The following CLVS1 variants were observed in gnomAD, a reference collection of about 807,000 sequenced individuals.
CLVS1 encodes the protein clavesin 1, also known as clavesin-1.
A neutral mutation model predicts 33.1 loss-of-function variants in CLVS1; 10 were observed. The ratio of observed to expected loss-of-function variants is 0.30; its 90% confidence interval spans 0.19 to 0.51. CLVS1 has a LOEUF of 0.51. CLVS1 is among the 20% of genes least tolerant of loss of function. The probability of loss-of-function intolerance (pLI) is 0.97; values close to 1 mark genes in which losing one functional copy is unlikely to be tolerated. For synonymous variants in CLVS1, 163 were observed against 166.1 expected (o/e 0.98, Z 0.14); for missense variants, 343 against 433.4 (o/e 0.79, Z 1.85).
the CLVS1 span, among the ~76,000 whole-genome samples, chr8:61,012,351 C>T: frequency 6.6e-6 from 1 of 152,274 alleles, no homozygotes; most frequent in East Asian, 1.9e-4. Context: ...ATACTGGGCA[C>T]CTTAGTACCT....
intron 2 of CLVS1, among the ~76,000 whole-genome samples, chr8:61,357,960 A>T (rs1276006844): frequency 1.3e-5 from 2 of 152,196 alleles, no homozygotes; most frequent in African/African-American, 4.8e-5. Context: ...TCAGACAGGA[A>T]GTTCAAATCT....
intron 3 of CLVS1, among the ~76,000 whole-genome samples, chr8:61,448,075 T>A (rs939488378): frequency 8.5e-5 from 13 of 152,146 alleles, no homozygotes; most frequent in African/African-American, 2.9e-4. Context: ...ATTTTACATC[T>A]TCTTCTGGCT....
At position 61,258,140 on chromosome 8, in the gene CLVS1, C is replaced by T. The variant is rs979017426; in HGVS notation, c.-151-41537C>T. ...TATCTCTGTTGCACAAACGCTCTTG[C>T]CTTTTTTAATTTAGATGGAGGCAAA... On this transcript the variant is annotated intron_variant, in intron 2 of 2. Transcript: ENST00000522621. 3.9e-5 allele frequency among the ~76,000 whole-genome samples: 6 copies of T among 152,282 alleles called. No individual in the cohort carries two copies. The South Asian group carries it at 1.2e-3, about 32-fold the overall frequency.
chr8:61,430,446 T>C (rs568786824), intron 3 of CLVS1, among the ~76,000 whole-genome samples: 36 of 152,266 alleles, frequency 2.4e-4, no homozygotes, highest in African/African-American at 6.0e-4. Flanking sequence ...GGAAATAAAA[T>C]TCCCCCCAAG....
the CLVS1 span, among the ~76,000 whole-genome samples, chr8:61,015,709 C>T: frequency 6.6e-6 from 1 of 152,130 alleles, no homozygotes. Flanking sequence ...CATTCCCCTC[C>T]CCTACCTTTT....
chr8:61,290,117 T>G (rs1809932680), intron 1 of CLVS1, among the ~76,000 whole-genome samples: 1 of 152,180 alleles, frequency 6.6e-6, no homozygotes, highest in Non-Finnish European at 1.5e-5. Flanking sequence ...TATTGCCAAT[T>G]CTAGCTGCTT....
At chr8:61,268,176 C>A (rs1414466980) in intron 2 of CLVS1, among the ~76,000 whole-genome samples, 1 of 134,548 alleles carries the variant, frequency 7.4e-6, no homozygotes, top group Non-Finnish European at 1.6e-5. Flanking sequence ...CTCCCCCCAC[C>A]CCACAACAGT....
chr8:61,439,001 A>G (rs779574385), intron 3 of CLVS1, among the ~76,000 whole-genome samples: 8 of 152,202 alleles, frequency 5.3e-5, no homozygotes, highest in Non-Finnish European at 1.2e-4. Context: ...ATACTTGCTT[A>G]TTGCAAACTT....
At chr8:61,207,015 A>G (rs1264832126) in intron 2 of CLVS1, among the ~76,000 whole-genome samples, 3 of 152,206 alleles carry the variant, frequency 2.0e-5, no homozygotes, top group Non-Finnish European at 2.9e-5. Flanking sequence ...GCCCATCTCT[A>G]TCAGTCAGGA....
chr8:61,142,678 C>A (rs1354765392), intron 2 of CLVS1, among the ~76,000 whole-genome samples: 1 of 152,172 alleles, frequency 6.6e-6, no homozygotes, highest in African/African-American at 2.4e-5. Context: ...AGCCACTGAA[C>A]CTGAGCAAAA....
chr8:61,330,835 A>G (rs1295998320), intron 2 of CLVS1, among the ~76,000 whole-genome samples: 1 of 151,960 alleles, frequency 6.6e-6, no homozygotes, highest in Non-Finnish European at 1.5e-5. Flanking sequence ...CGTGCCTGCA[A>G]TCCCAGCACT....
chr8:61,442,195 G>A (rs547116481), intron 3 of CLVS1, among the ~76,000 whole-genome samples: 1 of 152,280 alleles, frequency 6.6e-6, no homozygotes, highest in African/African-American at 2.4e-5. Flanking sequence ...GAATCATAGA[G>A]TATGTAATTT....
intron 2 of CLVS1, among the ~76,000 whole-genome samples, chr8:61,351,730 GAC>G (rs1812472070): frequency 1.3e-5 from 2 of 152,124 alleles, no homozygotes; most frequent in African/African-American, 4.8e-5. Flanking sequence ...CAATTCAAGT[GAC>G]ACTGAATTTT....
intron 2 of CLVS1, among the ~76,000 whole-genome samples, chr8:61,345,624 G>C (rs1198907451): frequency 6.8e-6 from 1 of 146,646 alleles, no homozygotes; most frequent in African/African-American, 2.6e-5. Context: ...CTCTAGGGGT[G>C]TGTGTGTGTG....
At chr8:61,311,537 C>T (rs944373091) in intron 2 of CLVS1, among the ~76,000 whole-genome samples, 35 of 152,130 alleles carry the variant, frequency 2.3e-4, no homozygotes, top group African/African-American at 8.5e-4. Context: ...TACATCCCTG[C>T]GTGCCCGGGT....
the CLVS1 span, among the ~76,000 whole-genome samples, chr8:60,996,194 A>G: frequency 6.6e-6 from 1 of 152,242 alleles, no homozygotes; most frequent in Non-Finnish European, 1.5e-5. Context: ...CTGCAATGCT[A>G]TTGAATGGAA....
chr8:61,354,514 A>G (rs998830448), intron 2 of CLVS1, among the ~76,000 whole-genome samples: 2 of 152,126 alleles, frequency 1.3e-5, no homozygotes, highest in African/African-American at 4.8e-5. Context: ...TATATTCACA[A>G]AAAAGCCTAT....
intron 2 of CLVS1, among the ~76,000 whole-genome samples, chr8:61,365,338 C>A (rs1813154968): frequency 6.6e-6 from 1 of 152,028 alleles, no homozygotes; most frequent in Admixed American, 6.5e-5. Context: ...ATCAGCCTGG[C>A]CAACATGGTG....
At chr8:61,413,596 C>A (rs1350452972) in intron 3 of CLVS1, among the ~76,000 whole-genome samples, 1 of 152,202 alleles carries the variant, frequency 6.6e-6, no homozygotes, top group South Asian at 2.1e-4. Context: ...AAACAGCATG[C>A]AGTTTATATA....
Sources: allele counts gnomAD v4.1 joint callset (sites outside exome capture counted in the v4.1 genomes callset), GRCh38; gene constraint gnomAD v4.1.1; transcripts MANE v1.5; gene names NCBI Gene and HGNC (gene_info 2026-07-23, HGNC 2026-07-21).